Variants in CFHR4 observed in about 807,000 individuals in gnomAD.
CFHR4 encodes complement factor H-related protein 4.
CFHR4 carries 64 observed loss-of-function variants against 69.3 expected under a neutral mutation model. The ratio of observed to expected loss-of-function variants is 0.92; its 90% CI spans 0.76 to 1.14. The LOEUF is 1.14. Ranked by LOEUF, CFHR4 falls within the 50% of genes most tolerant of loss-of-function variation. The probability of loss-of-function intolerance (pLI) is 0.00; values close to 1 mark genes in which losing one functional copy is unlikely to be tolerated. For missense variants in CFHR4, 636 were observed against 684.9 expected, an observed-to-expected ratio of 0.93 and a Z score of 0.80; for synonymous variants, 244 against 237.0, an observed-to-expected ratio of 1.03 and a Z score of -0.27.
chr1:196,917,111 T>G (rs545178497), intron 9 of CFHR4, among the ~76,000 whole-genome samples: 2 of 148,524 alleles, frequency 1.3e-5, no homozygotes, highest in South Asian at 4.2e-4. Context: ...TGATATGTAC[T>G]ATGTTAAGAA....
At chr1:196,899,686 C>T (rs1035737263) in intron 1 of CFHR4, among the ~76,000 whole-genome samples, 1 of 151,552 alleles carries the variant, frequency 6.6e-6, no homozygotes, top group African/African-American at 2.4e-5. Context: ...AATAATTATT[C>T]TATAGTTGGC....
At chr1:196,896,820 A>G (rs1302228661) in intron 1 of CFHR4, among the ~76,000 whole-genome samples, 1 of 151,646 alleles carries the variant, frequency 6.6e-6, no homozygotes, top group Non-Finnish European at 1.5e-5. Context: ...CTCCTCCGCC[A>G]TCTTCCCAGA....
chr1:196,902,307 C>T (rs926273327), intron 1 of CFHR4, 111 bp from the exon 2 acceptor site: 5 of 767,348 alleles, frequency 6.5e-6, no homozygotes, highest in Non-Finnish European at 1.0e-5. Context: ...CCCTAAAACC[C>T]CTAATTCATT....
In CFHR4 at chr1:196,907,296, T is replaced by G. The variant is rs549670885; in HGVS notation, c.617-20T>G. ...AATAAAACTGTTGATTTTTCCCCAA[T>G]GTAAAGTATTTTTTTTCAGATTCTT... is the stretch of plus-strand genomic sequence containing the variant. On this transcript the variant is annotated intron_variant, in intron 4 of 9. Transcript: ENST00000608469. 1.9e-5 allele frequency: 31 copies of G among 1,595,024 alleles called. 2 individuals carry two copies. The African/African-American group carries it at 2.7e-4, about 14-fold the overall frequency.
At position 196,907,109 on chromosome 1, in the gene CFHR4, CATATGT is replaced by C; in HGVS notation, c.616+73_616+78del. ...AGAAACATACATATGTATATGTACA[CATATGT>C]GTATGAATACATATGTGTACATATA... On this transcript the variant is annotated intron_variant, in intron 4 of 9. Transcript: ENST00000608469. 2.9e-6 allele frequency: 4 copies of C among 1,387,858 alleles called. 1 individual carries two copies. Among genetic ancestry groups the C allele is most frequent in the Non-Finnish European group, 4.0e-6 (4 of 1,003,938 alleles). The allele number at this position is 1,387,858 out of a possible 1,614,324, so 86.0% of individuals were successfully genotyped here.
In CFHR4 at chr1:196,914,973, G is replaced by A. The variant is rs2124975736; in HGVS notation, c.1375G>A (p.Gly459Arg). The A allele has an allele frequency of 6.2e-7, 1 of 1,610,916 alleles. No individual in the cohort carries two copies. The highest frequency in any genetic ancestry group is 2.2e-5 in the East Asian group (1 of 44,756). Residue 459 changes from glycine to arginine, a missense_variant, in exon 9 of 10, where the codon GGG (glycine) becomes AGG (arginine). By Grantham distance (125) the Gly-to-Arg change is moderately radical. Transcript: ENST00000608469. The stretch of plus-strand genomic sequence containing the variant: ...TTTTTCAGATTCTTCAGAAAAGTGT[G>A]GGCCTCCTCCACCTATTAGCAATGG... ...PTCYNSSEKC[G>R]PPPPISNGDT...
At chr1:196,914,079 C>A (rs1658435179) in intron 7 of CFHR4, among the ~76,000 whole-genome samples, 2 of 151,294 alleles carry the variant, frequency 1.3e-5, no homozygotes, top group African/African-American at 4.9e-5. Context: ...TAATTTTTAT[C>A]TAATATATAC....
intron 1 of CFHR4, among the ~76,000 whole-genome samples, chr1:196,899,069 T>C (rs1657456545): frequency 6.6e-6 from 1 of 151,630 alleles, no homozygotes; most frequent in Admixed American, 6.6e-5. Flanking sequence ...AGAATTAGGC[T>C]CCACTATTTT....
chr1:196,896,872 A>C (rs1441783989), intron 1 of CFHR4, among the ~76,000 whole-genome samples: 1 of 151,592 alleles, frequency 6.6e-6, no homozygotes, highest in Non-Finnish European at 1.5e-5. Flanking sequence ...AGTAAATAGA[A>C]TAACAAGCTA....
At chr1:196,909,498 T>C (rs1284587236) in intron 5 of CFHR4, among the ~76,000 whole-genome samples, 1 of 151,550 alleles carries the variant, frequency 6.6e-6, no homozygotes, top group African/African-American at 2.4e-5. Flanking sequence ...CCCCTGAATG[T>C]ATTGAAGAGA....
chr1:196,918,223 A>G lies in CFHR4; in HGVS notation c.1554A>G (p.Ile518Met). 1 of 1,603,888 alleles carries G rather than the reference A, an allele frequency of 6.2e-7. No individual in the cohort carries two copies. The highest frequency in any genetic ancestry group is 8.5e-7 in the Non-Finnish European group (1 of 1,173,294). Reference protein sequence around the residue: ...EPPRCIHPCIITEENMNKNNI... With the variant: ...EPPRCIHPCIMTEENMNKNNI... ...TTCTGCTTTCAGATCCATGTATAAT[A>G]ACTGAAGAAAACATGAATAAAAATA... Residue 518 changes from isoleucine (I) to methionine (M), a missense_variant, in exon 10 of 10, where the codon ATA (isoleucine) becomes ATG (methionine). Around this residue, in one of 3 missense-constraint regions of CFHR4, gnomAD observed 85 missense variants for 79.0 expected, o/e 1.08. Transcript: ENST00000608469.
intron 1 of CFHR4, among the ~76,000 whole-genome samples, chr1:196,898,958 G>A (rs1359046616): frequency 6.6e-6 from 1 of 151,566 alleles, no homozygotes; most frequent in Non-Finnish European, 1.5e-5. Flanking sequence ...AGGAGTAGGA[G>A]GAAGCCTTCA....
At chr1:196,916,481 G>A (rs1159302389) in intron 9 of CFHR4, among the ~76,000 whole-genome samples, 1 of 151,838 alleles carries the variant, frequency 6.6e-6, no homozygotes, top group African/African-American at 2.4e-5. Flanking sequence ...ATTGACTGAT[G>A]ACGCTGATAT....
intron 5 of CFHR4, among the ~76,000 whole-genome samples, chr1:196,908,135 A>G (rs1293256831): frequency 1.3e-5 from 2 of 151,404 alleles, no homozygotes; most frequent in East Asian, 1.9e-4. Context: ...AGGGAGGGGA[A>G]CATCACACAC....
At chr1:196,906,375 T>C (rs766012899) in intron 3 of CFHR4, among the ~76,000 whole-genome samples, 16 of 151,586 alleles carry the variant, frequency 1.1e-4, no homozygotes, top group Non-Finnish European at 2.4e-4. Flanking sequence ...TTGACCAGCT[T>C]TGATAAATGA....
intron 1 of CFHR4, among the ~76,000 whole-genome samples, chr1:196,899,745 C>A (rs1245732892): frequency 6.6e-6 from 1 of 151,632 alleles, no homozygotes. Context: ...AACTGAATGC[C>A]AGCTATATCT....
intron 9 of CFHR4, among the ~76,000 whole-genome samples, chr1:196,916,504 T>TA (rs1658642088): frequency 6.6e-6 from 1 of 151,910 alleles, no homozygotes; most frequent in Non-Finnish European, 1.5e-5. Flanking sequence ...TGGCTGATCT[T>TA]ACAATGGGCT....
At chr1:196,903,154 T>C (rs180879040) in intron 2 of CFHR4, among the ~76,000 whole-genome samples, 25 of 151,496 alleles carry the variant, frequency 1.7e-4, no homozygotes, top group African/African-American at 5.6e-4. Flanking sequence ...GTGCACTCAT[T>C]TGAGATCCCA....
chr1:196,905,367 AAGAT>A, intron 3 of CFHR4, 77 bp downstream of exon 3: 1 of 1,566,114 alleles, frequency 6.4e-7, no homozygotes, highest in Non-Finnish European at 8.7e-7. Flanking sequence ...TTTACAGAAA[AAGAT>A]AGAAAACACT....
Sources: allele counts gnomAD v4.1 joint callset (sites outside exome capture counted in the v4.1 genomes callset), GRCh38; gene constraint gnomAD v4.1.1; regional missense constraint gnomAD v4.1.1; transcripts MANE v1.5; gene names NCBI Gene and HGNC (gene_info 2026-07-23, HGNC 2026-07-21).